Variants in UBP1 observed in about 807,000 individuals in gnomAD.
UBP1 encodes upstream binding protein 1, also known as upstream-binding protein 1.
In UBP1, 22 loss-of-function variants were observed where a neutral mutation model predicts 76.1. The observed-to-expected ratio is 0.29, with a 90% CI of 0.21 to 0.41. The LOEUF (loss-of-function observed/expected upper bound fraction) is 0.41, where lower values mean the gene tolerates loss of function less well. Ranked by LOEUF, UBP1 falls within the 10% of genes least tolerant of loss-of-function variation. The probability of loss-of-function intolerance (pLI) is 1.00; values close to 1 mark genes in which losing one functional copy is unlikely to be tolerated. For missense variants in UBP1, 436 were observed against 668.1 expected, an observed-to-expected ratio of 0.65 and a Z score of 3.83; for synonymous variants, 224 against 237.1, an observed-to-expected ratio of 0.94 and a Z score of 0.51.
chr3:33,441,067 C>CTGT (rs1158319258), upstream of UBP1: 2 of 152,308 alleles, frequency 1.3e-5, no homozygotes, highest in Non-Finnish European at 2.9e-5. Flanking sequence ...GTTGAACTAG[C>CTGT]TGTTGGTCAT....
rs2044496727 is a variant in UBP1 at position 33,408,778 on chromosome 3, A to T, written c.839T>A (p.Ile280Asn). 1 of 1,613,942 alleles carries T rather than the reference A, an allele frequency of 6.2e-7. No individual in the cohort carries two copies. Among genetic ancestry groups the T allele is most frequent in the Non-Finnish European group, 8.5e-7 (1 of 1,179,912 alleles). The change falls in exon 8 of 16, where the codon ATT becomes AAT. Residue 280 changes from isoleucine (I) to asparagine (N), a missense_variant. Coordinates refer to ENST00000283629, the MANE Select transcript of UBP1 (RefSeq NM_014517.5). ...CTGCTCATGTTCAACTGCATCTTCA[A>T]TTATAGGCTCAAGCCTCATCTGGAC... ...ILTEMRLEPIIEDAVEHEQKK... is the reference protein window; with the variant it reads ...ILTEMRLEPINEDAVEHEQKK...
rs2045007036 is a variant in UBP1 at position 33,426,001 on chromosome 3, ATATAT to A, written c.114-265_114-261del. ...AGGGCGGCAGGGCAGCTCTGAATAT[ATATAT>A]ATATATATATATATATATATATATA... On this transcript the variant is annotated intron_variant, in intron 1 of 15. Coordinates refer to ENST00000283629, the MANE Select transcript of UBP1 (RefSeq NM_014517.5). Among the ~76,000 whole-genome samples the A allele has an allele frequency of 1.8e-4, 9 of 49,536 alleles. 1 individual carries two copies. The highest frequency in any genetic ancestry group is 6.8e-4 in the African/African-American group (9 of 13,214). The allele number at this position is 49,536 out of a possible 152,430, so 32.5% of individuals were successfully genotyped here.
chr3:33,416,665 C>A, intron 3 of UBP1, 93 bp downstream of exon 3: 6 of 996,494 alleles, frequency 6.0e-6, no homozygotes, highest in Non-Finnish European at 7.3e-6. Context: ...AGTTGTAATA[C>A]AACAATTATT....
rs1206654686 is a variant in UBP1 at position 33,396,209 on chromosome 3, T to C, written c.1343A>G (p.Gln448Arg). 3 of 1,596,028 alleles carry C rather than the reference T, an allele frequency of 1.9e-6. No individual in the cohort carries two copies. The highest frequency in any genetic ancestry group is 2.7e-5 in the African/African-American group (2 of 74,658). Residue 448 changes from glutamine to arginine, a missense_variant, in exon 13 of 16, where the codon CAG becomes CGG. Gln to Arg is a conservative substitution (Grantham distance 43). Transcript: ENST00000283629. ...QPSSTVLQGQ[Q>R]QAASSASENG... ...CTCGCTTGCACTGCTTGCAGCTTGC[T>C]GCTGCCCTTGCAGCACTGTGCTGCT...
chr3:33,427,440 TAAC>T (rs2045037215), intron 1 of UBP1, among the ~76,000 whole-genome samples: 1 of 152,252 alleles, frequency 6.6e-6, no homozygotes, highest in Non-Finnish European at 1.5e-5. Context: ...AAAATGATAA[TAAC>T]AGCAACAACA....
chr3:33,390,357 C>T lies in UBP1; in HGVS notation c.1597G>A (p.Asp533Asn). Residue 533 changes from aspartate to asparagine, a missense_variant, in exon 16 of 16, where the codon GAT becomes AAT. Transcript: ENST00000283629. ...LFSTVKAESS[D>N]GIHIILK ...CACTTCAAAATTATGTGGATGCCAT[C>T]ACTACTTTCAGCTGCAGAAAAAGGA... is the stretch of plus-strand genomic sequence containing the variant. The T allele has an allele frequency of 5.0e-6, 8 of 1,614,134 alleles. No homozygotes were observed. Among genetic ancestry groups the T allele is most frequent in the Non-Finnish European group, 6.8e-6 (8 of 1,179,992 alleles).
chr3:33,415,842 C>G (rs1172660959), intron 3 of UBP1, among the ~76,000 whole-genome samples: 3 of 152,108 alleles, frequency 2.0e-5, no homozygotes, highest in South Asian at 2.1e-4. Flanking sequence ...TCAAGAAGTT[C>G]CAAAGCACCT....
intron 3 of UBP1, among the ~76,000 whole-genome samples, chr3:33,414,854 C>T (rs1272859209): frequency 6.6e-6 from 1 of 152,088 alleles, no homozygotes; most frequent in Non-Finnish European, 1.5e-5. Flanking sequence ...TATTTAGATA[C>T]TGATGCCTTC....
At chr3:33,437,985 G>A (rs542730975) in intron 1 of UBP1, among the ~76,000 whole-genome samples, 4 of 152,150 alleles carry the variant, frequency 2.6e-5, no homozygotes, top group South Asian at 4.1e-4. Context: ...AAACTTCTTT[G>A]AAAATTTAGA....
At chr3:33,403,571 T>C (rs1176505417) in intron 8 of UBP1, 1 of 150,328 alleles carries the variant, frequency 6.7e-6, no homozygotes, top group African/African-American at 2.5e-5. Flanking sequence ...TCTGTCTGTC[T>C]GTCTGTCTGT....
At chr3:33,417,065 C>G (rs2044748235) in intron 2 of UBP1, among the ~76,000 whole-genome samples, 1 of 152,158 alleles carries the variant, frequency 6.6e-6, no homozygotes, top group South Asian at 2.1e-4. Context: ...CTTCATCTGC[C>G]ACTCTCTTAC....
At chr3:33,406,440 T>A (rs1005897001) in intron 8 of UBP1, among the ~76,000 whole-genome samples, 1 of 152,170 alleles carries the variant, frequency 6.6e-6, no homozygotes, top group Non-Finnish European at 1.5e-5. Flanking sequence ...CCCCTGCACA[T>A]ATAAAACATA....
chr3:33,433,604 G>A (rs1012615881), intron 1 of UBP1, among the ~76,000 whole-genome samples: 7 of 151,448 alleles, frequency 4.6e-5, no homozygotes, highest in African/African-American at 1.7e-4. Context: ...GGTGAGCTGA[G>A]ACAGTGCCAC....
At chr3:33,412,445 T>C (rs539807530) in intron 4 of UBP1, among the ~76,000 whole-genome samples, 36 of 151,796 alleles carry the variant, frequency 2.4e-4, no homozygotes, top group Admixed American at 1.2e-3. Context: ...TAGAGGGGCA[T>C]GGTGGCGCGC....
chr3:33,416,645 A>T (rs1575478853), intron 3 of UBP1, 113 bp downstream of exon 3: 1 of 787,438 alleles, frequency 1.3e-6, no homozygotes, highest in South Asian at 2.2e-5. Context: ...TATAGCTCAT[A>T]AAGTTAAAAA....
At chr3:33,441,268 C>A (rs946990962), upstream of UBP1, 1 of 152,306 alleles carries the variant, frequency 6.6e-6, no homozygotes, top group Non-Finnish European at 1.5e-5. Context: ...GGCTGACTTA[C>A]AGAGCCAGTG....
chr3:33,389,487 T>A lies in UBP1; in HGVS notation c.*844A>T, dbSNP rs1391037691. 1 of 30,746 alleles carries A rather than the reference T, an allele frequency of 3.3e-5. No individual in the cohort carries two copies. Among genetic ancestry groups the A allele is most frequent in the South Asian group, 1.2e-3 (1 of 850 alleles). The allele number at this position is 30,746 out of a possible 1,614,324, so 1.9% of individuals were successfully genotyped here. A position where few individuals can be genotyped will look rare whatever the true frequency, so the allele number is the denominator to read the frequency against. On this transcript the variant is annotated 3_prime_UTR_variant, in exon 16 of 16. Transcript: ENST00000283629. ...GGATGGTGGGGGTGGGGGGTTAGGG[T>A]GGGGGTGGTCAGAGATGGAGGGAGA...
upstream of UBP1, chr3:33,440,529 A>C (rs1443484381): frequency 6.6e-6 from 1 of 151,082 alleles, no homozygotes; most frequent in Non-Finnish European, 1.5e-5. Context: ...CAGAGAGTGC[A>C]ATGCGGCCCC....
At chr3:33,435,282 A>C (rs1016959941) in intron 1 of UBP1, among the ~76,000 whole-genome samples, 1 of 152,218 alleles carries the variant, frequency 6.6e-6, no homozygotes, top group African/African-American at 2.4e-5. Context: ...TAAGGAAAAA[A>C]AACAGAAATT....
Sources: gnomAD v4.1 joint callset for allele counts (sites outside exome capture counted in the v4.1 genomes callset) on GRCh38, gnomAD v4.1.1 for gene constraint, MANE v1.5 for transcripts, NCBI Gene and HGNC (gene_info 2026-07-23, HGNC 2026-07-21) for gene names.